NPFFR2: variants seen among roughly 807,000 people sequenced by gnomAD.
NPFFR2 encodes G-protein coupled receptor 74.
In NPFFR2, 15 loss-of-function variants were observed where a neutral mutation model predicts 13.1. The observed-to-expected ratio is 1.15, with a 90% CI of 0.77 to 1.76. The LOEUF is 1.76. Ranked by LOEUF, NPFFR2 falls within the 40% of genes most tolerant of loss-of-function variation. The pLI is 0.00. For synonymous variants in NPFFR2, 190 were observed against 175.7 expected (o/e 1.08, Z -0.65); for missense variants, 572 against 503.5 (o/e 1.14, Z -1.30).
At chr4:72,032,708 T>A (rs571866827) in intron 1 of NPFFR2, among the ~76,000 whole-genome samples, 70 of 152,090 alleles carry the variant, frequency 4.6e-4, no homozygotes, top group Non-Finnish European at 4.9e-4. Flanking sequence ...TTTGGAGAGG[T>A]TTTATCCCCT....
At chr4:72,098,918 G>C (rs1721147973) in intron 1 of NPFFR2, among the ~76,000 whole-genome samples, 1 of 152,140 alleles carries the variant, frequency 6.6e-6, no homozygotes, top group Non-Finnish European at 1.5e-5. Context: ...GGTTCAAGGG[G>C]CTCAGAAATA....
intron 1 of NPFFR2, among the ~76,000 whole-genome samples, chr4:72,125,249 A>G (rs1221027672): frequency 6.6e-6 from 1 of 152,216 alleles, no homozygotes; most frequent in Non-Finnish European, 1.5e-5. Flanking sequence ...GCCAGTTAGA[A>G]TTGCAATCAT....
chr4:72,037,160 G>C (rs1409447472), intron 1 of NPFFR2, among the ~76,000 whole-genome samples: 2 of 151,950 alleles, frequency 1.3e-5, no homozygotes, highest in African/African-American at 2.4e-5. Context: ...GGGAGGCAGA[G>C]GCAGGAGGAT....
At chr4:72,091,379 T>C (rs114794945) in intron 1 of NPFFR2, among the ~76,000 whole-genome samples, 1,660 of 152,232 alleles carry the variant, frequency 0.011, 37 homozygotes, top group African/African-American at 0.038. Context: ...TTTCTCTATC[T>C]CTTGGAATAG....
Position 72,033,734 on chromosome 4 carries a change from AT to A in NPFFR2, c.-8+1537del, listed in dbSNP as rs1304143918. Among the ~76,000 whole-genome samples, 75 of 152,280 alleles carry A rather than the reference AT, an allele frequency of 4.9e-4. 1 individual carries two copies. Among genetic ancestry groups the A allele is most frequent in the Non-Finnish European group, 1.8e-4 (12 of 68,012 alleles). ...TTATATATTAGAAATTCATTGTTTT[AT>A]TTGTATGATTATTTTATCCCATAGT... On this transcript the variant is annotated intron_variant, in intron 1 of 3. Transcript: ENST00000308744.
chr4:72,119,415 A>G (rs1721803971), intron 1 of NPFFR2, among the ~76,000 whole-genome samples: 1 of 152,230 alleles, frequency 6.6e-6, no homozygotes, highest in Non-Finnish European at 1.5e-5. Flanking sequence ...ATGCAATATA[A>G]CAATTTAATA....
At chr4:72,090,774 C>G (rs62320805) in intron 1 of NPFFR2, among the ~76,000 whole-genome samples, 39,358 of 151,986 alleles carry the variant, frequency 0.26, 6,274 homozygotes, top group Admixed American at 0.34. Flanking sequence ...CATCAGTGAA[C>G]AGCAGCAGTT....
At chr4:72,054,524 C>T (rs879799027) in intron 1 of NPFFR2, among the ~76,000 whole-genome samples, 2 of 151,672 alleles carry the variant, frequency 1.3e-5, no homozygotes, top group Non-Finnish European at 2.9e-5. Context: ...AACTATAAAC[C>T]TTCTATAAAA....
At chr4:72,089,859 A>G (rs915921202) in intron 1 of NPFFR2, among the ~76,000 whole-genome samples, 3 of 151,636 alleles carry the variant, frequency 2.0e-5, no homozygotes, top group African/African-American at 7.3e-5. Flanking sequence ...TTTTTGTTGC[A>G]TTTGCTTTTG....
At chr4:72,139,477 G>A (rs1722525893) in intron 3 of NPFFR2, among the ~76,000 whole-genome samples, 1 of 152,128 alleles carries the variant, frequency 6.6e-6, no homozygotes, top group South Asian at 2.1e-4. Context: ...TTCCACATAT[G>A]GCTAGACAGT....
At chr4:72,122,589 T>G (rs1721915547) in intron 1 of NPFFR2, among the ~76,000 whole-genome samples, 1 of 152,196 alleles carries the variant, frequency 6.6e-6, no homozygotes, top group South Asian at 2.1e-4. Context: ...GAACTCAGGA[T>G]TAAGAAACTC....
intron 1 of NPFFR2, among the ~76,000 whole-genome samples, chr4:72,043,300 A>G (rs751151502): frequency 6.6e-6 from 1 of 152,202 alleles, no homozygotes; most frequent in African/African-American, 2.4e-5. Context: ...CAGAAGGGAA[A>G]TGTGGGGTTG....
chr4:72,075,527 C>CTAG (rs1720399903), intron 1 of NPFFR2, among the ~76,000 whole-genome samples: 1 of 152,038 alleles, frequency 6.6e-6, no homozygotes, highest in Non-Finnish European at 1.5e-5. Flanking sequence ...AGAGAACCAC[C>CTAG]AGACAGAATT....
chr4:72,053,023 G>A (rs1254712269), intron 1 of NPFFR2, among the ~76,000 whole-genome samples: 1 of 151,684 alleles, frequency 6.6e-6, no homozygotes, highest in Admixed American at 6.6e-5. Flanking sequence ...TACATGTATT[G>A]ATTGATATCG....
At chr4:72,112,802 C>T (rs1000582340) in intron 1 of NPFFR2, among the ~76,000 whole-genome samples, 2 of 151,760 alleles carry the variant, frequency 1.3e-5, no homozygotes, top group South Asian at 2.1e-4. Context: ...AGGAAATTAC[C>T]TATCTCACAG....
intron 1 of NPFFR2, among the ~76,000 whole-genome samples, chr4:72,068,389 T>A (rs1012734698): frequency 1.3e-5 from 2 of 152,176 alleles, no homozygotes; most frequent in Non-Finnish European, 2.9e-5. Context: ...GTAAAGCTAT[T>A]TTTATAAAAG....
chr4:72,147,978 T>G lies in NPFFR2; in HGVS notation c.*166T>G. On this transcript the variant is annotated 3_prime_UTR_variant, in exon 4 of 4. Coordinates refer to ENST00000308744, the MANE Select transcript of NPFFR2 (RefSeq NM_004885.3). ...AAAATAAACAAAAATGGTCATAAGATCATAAACAATCTTATGTTGTATAAA... is the reference window on the plus strand; with the variant it reads ...AAAATAAACAAAAATGGTCATAAGAGCATAAACAATCTTATGTTGTATAAA... The G allele has an allele frequency of 1.8e-6, 1 of 549,078 alleles. No homozygotes were observed. The highest frequency in any genetic ancestry group is 3.1e-6 in the Non-Finnish European group (1 of 317,852). The allele number at this position is 549,078 out of a possible 1,614,324, so 34.0% of individuals were successfully genotyped here.
intron 1 of NPFFR2, among the ~76,000 whole-genome samples, chr4:72,122,227 A>G (rs1486657421): frequency 6.6e-6 from 1 of 152,150 alleles, no homozygotes; most frequent in African/African-American, 2.4e-5. Flanking sequence ...ATATGCACCC[A>G]TACAGGAGCA....
At chr4:72,116,043 TAAG>T (rs1721703016) in intron 1 of NPFFR2, among the ~76,000 whole-genome samples, 1 of 152,140 alleles carries the variant, frequency 6.6e-6, no homozygotes, top group South Asian at 2.1e-4. Flanking sequence ...TTTATTAAAA[TAAG>T]AATGAAAGGA....
Sources: gnomAD v4.1 joint callset for allele counts (sites outside exome capture counted in the v4.1 genomes callset) on GRCh38, gnomAD v4.1.1 for gene constraint, MANE v1.5 for transcripts, NCBI Gene and HGNC (gene_info 2026-07-23, HGNC 2026-07-21) for gene names.